Variants in FAT3 observed in about 807,000 individuals in gnomAD.
FAT3 encodes the protein FAT atypical cadherin 3, also known as protocadherin Fat 3.
Under a neutral mutation model 310.2 loss-of-function variants are expected in FAT3, and 95 were observed. The observed-to-expected ratio is 0.31, with a 90% confidence interval of 0.26 to 0.36. The LOEUF (loss-of-function observed/expected upper bound fraction) is 0.36, where lower values mean the gene tolerates loss of function less well. Ranked by LOEUF, FAT3 falls within the 10% of genes least tolerant of loss-of-function variation. The pLI, the probability that FAT3 is intolerant of heterozygous loss-of-function variation, is 1.00. For missense variants in FAT3, 5,408 were observed against 5,715.6 expected (o/e 0.95, Z 1.74); for synonymous variants, 2,314 against 2,192.9 (o/e 1.06, Z -1.54).
At chr11:92,428,505 C>G (rs2135013618) in intron 2 of FAT3, among the ~76,000 whole-genome samples, 1 of 152,258 alleles carries the variant, frequency 6.6e-6, no homozygotes, top group South Asian at 2.1e-4. Flanking sequence ...TCTGCACTTT[C>G]TCCTGTGGGC....
chr11:92,753,775 T>TGG, intron 4 of FAT3, among the ~76,000 whole-genome samples: 18 of 135,840 alleles, frequency 1.3e-4, no homozygotes, highest in African/African-American at 5.3e-4. Context: ...GAAACTGTGG[T>TGG]GTGTGTGTGT....
At chr11:92,293,074 AAGGAAAG>A (rs1946738546) in intron 1 of FAT3, among the ~76,000 whole-genome samples, 2 of 142,506 alleles carry the variant, frequency 1.4e-5, no homozygotes, top group African/African-American at 5.6e-5. Flanking sequence ...GGAAGGAAGG[AAGGAAAG>A]AAGGAAGGAA....
chr11:92,402,924 G>GA (rs1157079387), intron 2 of FAT3, among the ~76,000 whole-genome samples: 4 of 151,226 alleles, frequency 2.6e-5, no homozygotes, highest in Non-Finnish European at 5.9e-5. Flanking sequence ...AAGGCAAAGA[G>GA]AAAAAACCTT....
intron 3 of FAT3, among the ~76,000 whole-genome samples, chr11:92,682,462 C>T (rs1943507529): frequency 6.6e-6 from 1 of 152,192 alleles, no homozygotes. Context: ...GAATCTAAGT[C>T]ACTGCTCCTA....
chr11:92,317,823 A>G (rs1365401509), intron 1 of FAT3, among the ~76,000 whole-genome samples: 1 of 152,130 alleles, frequency 6.6e-6, no homozygotes, highest in African/African-American at 2.4e-5. Flanking sequence ...TTTTCCCCAA[A>G]GTGGCCTCAG....
At chr11:92,819,871 T>C (rs927907723) in intron 13 of FAT3, among the ~76,000 whole-genome samples, 1 of 152,170 alleles carries the variant, frequency 6.6e-6, no homozygotes, top group Non-Finnish European at 1.5e-5. Flanking sequence ...TTGTAGAATG[T>C]GACACTAAAG....
chr11:92,817,103 C>T (rs1947843769), intron 13 of FAT3, among the ~76,000 whole-genome samples: 1 of 152,098 alleles, frequency 6.6e-6, no homozygotes, highest in Admixed American at 6.6e-5. Context: ...CACACATGCC[C>T]TCGGATGTCT....
intron 2 of FAT3, among the ~76,000 whole-genome samples, chr11:92,427,913 C>A (rs181702189): frequency 6.6e-6 from 1 of 152,102 alleles, no homozygotes; most frequent in Non-Finnish European, 1.5e-5. Flanking sequence ...TTCTTCTTTT[C>A]TATTTCTTGG....
At position 92,353,404 on chromosome 11, in the gene FAT3, C is replaced by T. The variant is rs1456815699; in HGVS notation, c.1292C>T (p.Thr431Ile). ...KINPRSGLIV[T>I]ARPLNTVKKE... ...AATCCTCGGTCGGGTCTGATTGTTA[C>T]AGCACGGCCACTGAATACTGTTAAG... The change falls in exon 2 of 28, where the codon ACA becomes ATA. Residue 431 changes from threonine (T) to isoleucine (I), a missense_variant. Coordinates refer to ENST00000525166, the MANE Select transcript of FAT3 (RefSeq NM_001367949.2). The T allele has an allele frequency of 1.2e-6, 2 of 1,613,298 alleles. No individual in the cohort carries two copies. Among genetic ancestry groups the T allele is most frequent in the Non-Finnish European group, 8.5e-7 (1 of 1,179,734 alleles).
chr11:92,252,378 T>C (rs1230776691), intron 1 of FAT3, among the ~76,000 whole-genome samples: 4 of 152,116 alleles, frequency 2.6e-5, no homozygotes, highest in African/African-American at 9.7e-5. Flanking sequence ...TACTTTTGTT[T>C]GTGTGCATCT....
At chr11:92,467,651 G>C (rs144934455) in intron 2 of FAT3, among the ~76,000 whole-genome samples, 199 of 152,260 alleles carry the variant, frequency 1.3e-3, no homozygotes, top group African/African-American at 4.5e-3. Flanking sequence ...GTCCCTTAAA[G>C]CTGTGCCTGT....
At chr11:92,538,247 T>C (rs941448927) in intron 3 of FAT3, among the ~76,000 whole-genome samples, 2 of 152,192 alleles carry the variant, frequency 1.3e-5, no homozygotes, top group Non-Finnish European at 2.9e-5. Context: ...AAGATCTGCA[T>C]GATAAACACC....
intron 2 of FAT3, among the ~76,000 whole-genome samples, chr11:92,483,035 G>T (rs1952276437): frequency 6.6e-6 from 1 of 152,172 alleles, no homozygotes. Flanking sequence ...TTGGTGTTTT[G>T]AATTACACTG....
In FAT3 at chr11:92,354,031, C is replaced by T. The variant is rs532414512; in HGVS notation, c.1919C>T (p.Thr640Ile). 2 of 1,613,168 alleles carry T rather than the reference C, an allele frequency of 1.2e-6. No homozygotes were observed. Among genetic ancestry groups the T allele is most frequent in the Non-Finnish European group, 8.5e-7 (1 of 1,179,628 alleles). The change falls in exon 2 of 28, where the codon ACA becomes ATA. Residue 640 changes from threonine (T) to isoleucine (I), a missense_variant. Thr to Ile is a moderately conservative substitution (Grantham distance 89). Coordinates refer to ENST00000525166, the MANE Select transcript of FAT3 (RefSeq NM_001367949.2). The part of the protein sequence containing the change: ...SGVLQLKKSL[T>I]NSGIKNGNFA... ...GTTTTACAGCTTAAAAAATCACTGA[C>T]AAATTCTGGCATTAAAAATGGCAAT...
chr11:92,783,060 G>C lies in FAT3; in HGVS notation c.4336-6883G>C, dbSNP rs533503511. Among the ~76,000 whole-genome samples the C allele has an allele frequency of 9.8e-4, 150 of 152,298 alleles. 1 individual carries two copies. The highest frequency in any genetic ancestry group is 3.5e-3 in the African/African-American group (144 of 41,574). On this transcript the variant is annotated intron_variant, in intron 7 of 27. Coordinates refer to ENST00000525166, the MANE Select transcript of FAT3 (RefSeq NM_001367949.2). ...CTTTTGTGTCATCTGCCTCTTGGCA[G>C]TGAAAAAGGCAGTGGCTTGCCGGGT...
At chr11:92,421,729 T>A (rs1950537060) in intron 2 of FAT3, among the ~76,000 whole-genome samples, 1 of 152,180 alleles carries the variant, frequency 6.6e-6, no homozygotes, top group Non-Finnish European at 1.5e-5. Flanking sequence ...TGGCTATATC[T>A]TCTGTTTTTG....
intron 2 of FAT3, among the ~76,000 whole-genome samples, chr11:92,427,308 T>C (rs1458888369): frequency 6.6e-6 from 1 of 152,106 alleles, no homozygotes; most frequent in African/African-American, 2.4e-5. Flanking sequence ...TACAATCCTG[T>C]CATCTGCAGA....
chr11:92,233,479 C>G (rs182114136), intron 1 of FAT3, among the ~76,000 whole-genome samples: 3 of 152,168 alleles, frequency 2.0e-5, no homozygotes, highest in African/African-American at 7.2e-5. Flanking sequence ...TTATCTTGGA[C>G]TAATTTTTTC....
chr11:92,326,615 C>T (rs1384676149), intron 1 of FAT3, among the ~76,000 whole-genome samples: 1 of 152,200 alleles, frequency 6.6e-6, no homozygotes, highest in Non-Finnish European at 1.5e-5. Flanking sequence ...ATAGATGTGA[C>T]CTTATTTGAC....
Sources: gnomAD v4.1 joint callset for allele counts (sites outside exome capture counted in the v4.1 genomes callset) on GRCh38, gnomAD v4.1.1 for gene constraint, MANE v1.5 for transcripts, NCBI Gene and HGNC (gene_info 2026-07-23, HGNC 2026-07-21) for gene names.